Variants in SPTBN4 observed in about 807,000 individuals in gnomAD.
SPTBN4 encodes spectrin beta, non-erythrocytic 4.
SPTBN4 carries 96 observed loss-of-function variants against 277.8 expected under a neutral mutation model. The observed-to-expected ratio is 0.35, with a 90% CI of 0.29 to 0.41. The LOEUF is 0.41. SPTBN4 is among the 10% of genes least tolerant of loss of function. The pLI, the probability that SPTBN4 is intolerant of heterozygous loss-of-function variation, is 1.00. For missense variants in SPTBN4, 3,006 were observed against 3,595.7 expected (o/e 0.84, Z 4.19); for synonymous variants, 1,481 against 1,580.3 (o/e 0.94, Z 1.49).
intron 16 of SPTBN4, 124 bp from the exon 17 acceptor site, chr19:40,523,313 A>G: frequency 1.1e-6 from 1 of 915,460 alleles, no homozygotes; most frequent in South Asian, 1.7e-5. Context: ...CCGAGGTGGG[A>G]CCACAACTGG....
At chr19:40,522,622 G>C (rs1326242582) in intron 16 of SPTBN4, among the ~76,000 whole-genome samples, 1 of 151,830 alleles carries the variant, frequency 6.6e-6, no homozygotes, top group Non-Finnish European at 1.5e-5. Context: ...AAAGTGCTGG[G>C]ATTACAGGCA....
intron 20 of SPTBN4, among the ~76,000 whole-genome samples, chr19:40,548,399 A>G (rs1175614431): frequency 6.6e-6 from 1 of 152,080 alleles, no homozygotes. Flanking sequence ...GTCAAGGCAC[A>G]AGAATCACTT....
intron 2 of SPTBN4, among the ~76,000 whole-genome samples, chr19:40,486,212 G>A (rs2145821444): frequency 6.6e-6 from 1 of 152,002 alleles, no homozygotes; most frequent in East Asian, 1.9e-4. Context: ...GATCACCTGA[G>A]GCTGGGAGGC....
intron 20 of SPTBN4, among the ~76,000 whole-genome samples, chr19:40,537,949 C>T (rs149422848): frequency 3.8e-4 from 58 of 152,228 alleles, no homozygotes; most frequent in African/African-American, 1.3e-3. Context: ...GAGTGGAGAA[C>T]GGGGAAGCTG....
chr19:40,538,938 C>T (rs1012853188), intron 20 of SPTBN4, among the ~76,000 whole-genome samples: 15 of 152,074 alleles, frequency 9.9e-5, no homozygotes, highest in African/African-American at 3.6e-4. Flanking sequence ...TTTCATTTTG[C>T]ACTGAAAAGT....
At chr19:40,558,808 A>G (rs1599808929) in intron 26 of SPTBN4, among the ~76,000 whole-genome samples, 1 of 151,836 alleles carries the variant, frequency 6.6e-6, no homozygotes, top group Non-Finnish European at 1.5e-5. Flanking sequence ...GGATTTCACC[A>G]TGTTGGCCAG....
Position 40,574,969 on chromosome 19 carries a change from C to T in SPTBN4, c.7537-442C>T, listed in dbSNP as rs377031648. Among the ~76,000 whole-genome samples, 24 of 145,622 alleles carry T rather than the reference C, an allele frequency of 1.6e-4. 1 individual carries two copies. In the South Asian group the frequency reaches 5.1e-3, roughly 31 times the overall value. ...GATGGAGGTTGCAGTGAGCTGACAT[C>T]GAGCCATTGCACTCCAGCCTGGGGG... On this transcript the variant is annotated intron_variant, in intron 35 of 35. Transcript: ENST00000598249.
At chr19:40,562,471 A>AG (rs953850137) in intron 27 of SPTBN4, among the ~76,000 whole-genome samples, 1 of 131,800 alleles carries the variant, frequency 7.6e-6, no homozygotes, top group Non-Finnish European at 1.6e-5. Flanking sequence ...TGGAGGTTGC[A>AG]GTGTGCTGAG....
At chr19:40,534,635 C>T in intron 20 of SPTBN4, 2 of 404,618 alleles carry the variant, frequency 4.9e-6, no homozygotes, top group Non-Finnish European at 4.6e-6. Context: ...ACACTCATTT[C>T]CTGGATGGAG....
At chr19:40,573,495 C>T (rs2081173006) in intron 35 of SPTBN4, among the ~76,000 whole-genome samples, 1 of 152,138 alleles carries the variant, frequency 6.6e-6, no homozygotes, top group Non-Finnish European at 1.5e-5. Flanking sequence ...GATTTTTTAC[C>T]TAAGGGCACT....
At chr19:40,557,616 G>A (rs2080996688) in intron 26 of SPTBN4, among the ~76,000 whole-genome samples, 1 of 152,174 alleles carries the variant, frequency 6.6e-6, no homozygotes, top group Non-Finnish European at 1.5e-5. Context: ...GGGAAAAGTG[G>A]TACCTTAGAA....
At chr19:40,530,207 C>T (rs1253870678) in intron 18 of SPTBN4, among the ~76,000 whole-genome samples, 1 of 152,094 alleles carries the variant, frequency 6.6e-6, no homozygotes, top group African/African-American at 2.4e-5. Flanking sequence ...CACCATAATC[C>T]CCACTCCCTT....
At chr19:40,508,363 A>G (rs1414968415) in intron 13 of SPTBN4, among the ~76,000 whole-genome samples, 2 of 152,178 alleles carry the variant, frequency 1.3e-5, no homozygotes, top group African/African-American at 4.8e-5. Context: ...TACACCCACC[A>G]TGGGGAGCTG....
intron 7 of SPTBN4, among the ~76,000 whole-genome samples, chr19:40,498,755 G>A (rs1252106741): frequency 6.6e-6 from 1 of 151,796 alleles, no homozygotes; most frequent in Non-Finnish European, 1.5e-5. Context: ...AGGCTGGAGT[G>A]CAGTGCCATG....
intron 3 of SPTBN4, among the ~76,000 whole-genome samples, chr19:40,489,380 C>G (rs2080110988): frequency 7.3e-6 from 1 of 137,502 alleles, no homozygotes; most frequent in South Asian, 2.2e-4. Flanking sequence ...AGGGGTGTGA[C>G]GCGGAGTTTT....
intron 19 of SPTBN4, 80 bp downstream of exon 19, chr19:40,532,851 C>T (rs2080694085): frequency 6.8e-7 from 1 of 1,478,518 alleles, no homozygotes. Flanking sequence ...GCTGCACCCG[C>T]TGCTGCCATC....
chr19:40,565,861 G>A lies in SPTBN4; in HGVS notation c.6139+116G>A. On this transcript the variant is annotated intron_variant, in intron 29 of 35. Transcript: ENST00000598249. The stretch of plus-strand genomic sequence containing the variant: ...TTTGCACCCTACCCATGGGTCTCCA[G>A]AAGCAAACATAAGGGCCTGGAAGGG... 4 of 1,165,826 alleles carry A rather than the reference G, an allele frequency of 3.4e-6. No individual in the cohort carries two copies. In the South Asian group the frequency reaches 6.1e-5, roughly 18 times the overall value. The allele number at this position is 1,165,826 out of a possible 1,614,324, so 72.2% of individuals were successfully genotyped here. A position where few individuals can be genotyped will look rare whatever the true frequency, so the allele number is the denominator to read the frequency against.
chr19:40,570,850 A>G, intron 33 of SPTBN4, 122 bp downstream of exon 33: 1 of 912,832 alleles, frequency 1.1e-6, no homozygotes, highest in Non-Finnish European at 1.4e-6. Context: ...TGGCGGTAGT[A>G]GGTGGGGCCA....
At chr19:40,536,941 A>G (rs549155069) in intron 20 of SPTBN4, among the ~76,000 whole-genome samples, 35 of 151,100 alleles carry the variant, frequency 2.3e-4, no homozygotes, top group Non-Finnish European at 3.7e-4. Flanking sequence ...CCACACCACC[A>G]TGCCTGATTG....
Sources: allele counts gnomAD v4.1 joint callset (sites outside exome capture counted in the v4.1 genomes callset), GRCh38; gene constraint gnomAD v4.1.1; transcripts MANE v1.5; gene names NCBI Gene and HGNC (gene_info 2026-07-23, HGNC 2026-07-21).